The following SLC38A12 variants were observed in gnomAD, a reference collection of about 807,000 sequenced individuals.
The protein encoded by SLC38A12 is solute carrier family 38 member 12, also known as putative sodium-coupled neutral amino acid transporter 12.
chr17:74,793,231 G>A, the SLC38A12 span, among the ~76,000 whole-genome samples: 1 of 152,128 alleles, frequency 6.6e-6, no homozygotes. Flanking sequence ...CCTCCTTGTG[G>A]GCCTGTTCTG....
At chr17:74,789,239 A>G in the SLC38A12 span, among the ~76,000 whole-genome samples, 1 of 152,186 alleles carries the variant, frequency 6.6e-6, no homozygotes, top group Non-Finnish European at 1.5e-5. Context: ...GCAGAAGGAA[A>G]GAACACAGGG....
chr17:74,807,112 C>G, the SLC38A12 span, among the ~76,000 whole-genome samples: 8 of 150,520 alleles, frequency 5.3e-5, no homozygotes, highest in Non-Finnish European at 1.2e-4. Context: ...GACACCCCCC[C>G]ACCCCACCCC....
chr17:74,836,012 G>A, the SLC38A12 span: 2 of 1,611,922 alleles, frequency 1.2e-6, no homozygotes, highest in Non-Finnish European at 1.7e-6. This position sits in a 1 kb window ranked among gnomAD's most constrained non-coding sequence, Gnocchi z 4.2. Flanking sequence ...ACTTCTCGGG[G>A]GTCCGGAACC....
the SLC38A12 span, chr17:74,837,893 C>T: frequency 2.0e-5 from 20 of 985,874 alleles, no homozygotes; most frequent in Non-Finnish European, 2.4e-5. Flanking sequence ...TGGGCCTGGC[C>T]CCACCTGTCC....
chr17:74,811,960 C>T, the SLC38A12 span, among the ~76,000 whole-genome samples: 6 of 151,666 alleles, frequency 4.0e-5, no homozygotes, highest in South Asian at 2.1e-4. Flanking sequence ...GCGGGCAGAT[C>T]GCTTGAGCCT....
At chr17:74,781,634 C>T in the SLC38A12 span, among the ~76,000 whole-genome samples, 3 of 152,184 alleles carry the variant, frequency 2.0e-5, no homozygotes, top group Non-Finnish European at 2.9e-5. Flanking sequence ...ATTATGGGAA[C>T]ATCATTCTCC....
At chr17:74,802,515 C>T in the SLC38A12 span, among the ~76,000 whole-genome samples, 15 of 152,178 alleles carry the variant, frequency 9.9e-5, no homozygotes, top group Non-Finnish European at 1.6e-4. Context: ...ACCGACATAG[C>T]CCCCTTCACA....
the SLC38A12 span, among the ~76,000 whole-genome samples, chr17:74,820,404 A>G: frequency 4.6e-5 from 7 of 152,172 alleles, no homozygotes; most frequent in Non-Finnish European, 1.0e-4. Context: ...CATGAGTGCC[A>G]TTGTCCTCAG....
chr17:74,836,009 G>T, the SLC38A12 span: 6 of 1,611,818 alleles, frequency 3.7e-6, no homozygotes, highest in Non-Finnish European at 4.2e-6. This position sits in a 1 kb window ranked among gnomAD's most constrained non-coding sequence, Gnocchi z 4.2. Context: ...CTGACTTCTC[G>T]GGGGTCCGGA....
the SLC38A12 span, among the ~76,000 whole-genome samples, chr17:74,830,350 C>T: frequency 6.6e-6 from 1 of 152,222 alleles, no homozygotes; most frequent in African/African-American, 2.4e-5. Context: ...TGCCGTTTGG[C>T]AGGTGTTCAG....
At chr17:74,831,192 C>A in the SLC38A12 span, among the ~76,000 whole-genome samples, 1 of 152,200 alleles carries the variant, frequency 6.6e-6, no homozygotes, top group East Asian at 1.9e-4. Context: ...CATCATGTAC[C>A]CCACAGCTAG....
At chr17:74,822,832 C>T in the SLC38A12 span, among the ~76,000 whole-genome samples, 1 of 152,242 alleles carries the variant, frequency 6.6e-6, no homozygotes, top group Non-Finnish European at 1.5e-5. Context: ...GTCCCCCTCC[C>T]AGCCCCGGGC....
the SLC38A12 span, among the ~76,000 whole-genome samples, chr17:74,821,414 C>G: frequency 6.6e-6 from 1 of 152,240 alleles, no homozygotes; most frequent in Non-Finnish European, 1.5e-5. Context: ...ATTGCACTCA[C>G]AAGTTCCAAA....
At chr17:74,797,711 C>T in the SLC38A12 span, among the ~76,000 whole-genome samples, 2 of 152,144 alleles carry the variant, frequency 1.3e-5, no homozygotes, top group African/African-American at 4.8e-5. Context: ...GCTCTGCAGC[C>T]CCTTCCCCTC....
At chr17:74,822,924 G>T in the SLC38A12 span, among the ~76,000 whole-genome samples, 2 of 152,312 alleles carry the variant, frequency 1.3e-5, no homozygotes, top group Admixed American at 6.5e-5. Flanking sequence ...AGCCCCTTTT[G>T]GGGGAGGGAC....
chr17:74,788,084 G>GC, the SLC38A12 span, among the ~76,000 whole-genome samples: 1 of 151,996 alleles, frequency 6.6e-6, no homozygotes, highest in Non-Finnish European at 1.5e-5. Flanking sequence ...ATGAGCCACC[G>GC]CCCCTGGCCT....
the SLC38A12 span, among the ~76,000 whole-genome samples, chr17:74,804,539 C>T: frequency 6.6e-6 from 1 of 152,184 alleles, no homozygotes; most frequent in Non-Finnish European, 1.5e-5. Context: ...AGCATAAGCC[C>T]GGATGTCTTG....
At chr17:74,788,478 C>T in the SLC38A12 span, among the ~76,000 whole-genome samples, 1 of 152,220 alleles carries the variant, frequency 6.6e-6, no homozygotes, top group Admixed American at 6.5e-5. Context: ...AACAGCCCCT[C>T]CTGGGTGTGA....
chr17:74,822,827 C>T, the SLC38A12 span, among the ~76,000 whole-genome samples: 4 of 152,346 alleles, frequency 2.6e-5, no homozygotes, highest in African/African-American at 7.2e-5. Flanking sequence ...GGTGTGTCCC[C>T]CTCCCAGCCC....
Sources: allele counts gnomAD v4.1 joint callset (sites outside exome capture counted in the v4.1 genomes callset), GRCh38; gene constraint gnomAD v4.1.1; non-coding constraint Gnocchi (gnomAD v3.1); transcripts MANE v1.5; gene names NCBI Gene and HGNC (gene_info 2026-07-23, HGNC 2026-07-21).